The following ADRA1B variants were observed in gnomAD, a reference collection of about 807,000 sequenced individuals.
ADRA1B encodes adrenoceptor alpha 1B, also known as alpha-1B adrenergic receptor.
In ADRA1B, 17 loss-of-function variants were observed where a neutral mutation model predicts 17.9. That is an observed-to-expected ratio of 0.95 (90% CI 0.65 to 1.42). The LOEUF (loss-of-function observed/expected upper bound fraction) is 1.42, where lower values mean the gene tolerates loss of function less well. Ranked by LOEUF, ADRA1B falls within the 40% of genes most tolerant of loss-of-function variation. The pLI is 0.00. For missense variants in ADRA1B, 681 were observed against 722.1 expected (o/e 0.94, Z 0.65); for synonymous variants, 366 against 327.6 (o/e 1.12, Z -1.27).
chr5:159,907,906 C>A (rs1490830871), intron 1 of ADRA1B, among the ~76,000 whole-genome samples: 12 of 151,856 alleles, frequency 7.9e-5, no homozygotes, highest in Non-Finnish European at 1.5e-4. Context: ...CTCATGCTGT[C>A]TTTGTCTTTG....
intron 1 of ADRA1B, among the ~76,000 whole-genome samples, chr5:159,958,094 A>T (rs190953463): frequency 6.6e-6 from 1 of 152,230 alleles, no homozygotes; most frequent in Admixed American, 6.5e-5. Context: ...ATTTATTTAC[A>T]GATCCTGGAC....
chr5:159,973,249 C>T (rs1755921329), downstream of ADRA1B, among the ~76,000 whole-genome samples: 1 of 152,214 alleles, frequency 6.6e-6, no homozygotes, highest in African/African-American at 2.4e-5. Flanking sequence ...CCAGTCTGGC[C>T]CTGTGGCTGA....
chr5:159,919,981 C>G (rs1213890260), intron 1 of ADRA1B, among the ~76,000 whole-genome samples: 1 of 152,188 alleles, frequency 6.6e-6, no homozygotes, highest in Non-Finnish European at 1.5e-5. Context: ...AGGCCTCACA[C>G]CTGGAGAACG....
intron 1 of ADRA1B, among the ~76,000 whole-genome samples, chr5:159,886,507 G>C (rs191637060): frequency 1.3e-5 from 2 of 152,278 alleles, no homozygotes; most frequent in Non-Finnish European, 2.9e-5. Context: ...TCTTGATTCA[G>C]TGAGTCTCCC....
At chr5:159,882,583 G>A (rs1160007349) in intron 1 of ADRA1B, among the ~76,000 whole-genome samples, 1 of 152,194 alleles carries the variant, frequency 6.6e-6, no homozygotes, top group Non-Finnish European at 1.5e-5. Context: ...AAGGAAAACT[G>A]TCATAAGAGC....
chr5:159,954,684 A>T (rs567333666), intron 1 of ADRA1B, among the ~76,000 whole-genome samples: 1 of 152,162 alleles, frequency 6.6e-6, no homozygotes, highest in East Asian at 1.9e-4. Flanking sequence ...CCAAGGGAGG[A>T]TTTTGAACTT....
intron 1 of ADRA1B, among the ~76,000 whole-genome samples, chr5:159,885,251 A>AT (rs993678054): frequency 1.3e-5 from 2 of 152,118 alleles, no homozygotes; most frequent in Non-Finnish European, 2.9e-5. Flanking sequence ...TTTTCTGGAG[A>AT]TTTTTGTCAG....
At chr5:159,906,710 G>T (rs1754165874) in intron 1 of ADRA1B, among the ~76,000 whole-genome samples, 1 of 152,220 alleles carries the variant, frequency 6.6e-6, no homozygotes, top group South Asian at 2.1e-4. Context: ...AAGGGGAAAA[G>T]TGAGCAGTTC....
chr5:159,896,422 C>A (rs1486350685), intron 1 of ADRA1B, among the ~76,000 whole-genome samples: 2 of 152,180 alleles, frequency 1.3e-5, no homozygotes, highest in African/African-American at 4.8e-5. Flanking sequence ...CTATAATTCC[C>A]AGTTCTTGTG....
chr5:159,884,491 G>C (rs940425647), intron 1 of ADRA1B, among the ~76,000 whole-genome samples: 5 of 152,166 alleles, frequency 3.3e-5, no homozygotes, highest in African/African-American at 4.8e-5. Context: ...TCCACCATGA[G>C]ATAATACAAC....
intron 1 of ADRA1B, among the ~76,000 whole-genome samples, chr5:159,873,083 T>C (rs1753765907): frequency 1.3e-5 from 2 of 152,206 alleles, no homozygotes; most frequent in African/African-American, 4.8e-5. Context: ...GCTTCATCCA[T>C]GTCCCTGCAA....
chr5:159,901,071 T>C (rs1213286466), intron 1 of ADRA1B, among the ~76,000 whole-genome samples: 1 of 151,770 alleles, frequency 6.6e-6, no homozygotes, highest in Non-Finnish European at 1.5e-5. Context: ...TATTATGTTT[T>C]ACTATTATAC....
chr5:159,916,744 G>C lies in ADRA1B; in HGVS notation c.-162G>C, dbSNP rs1754320463. 1 of 652,492 alleles carries C rather than the reference G, an allele frequency of 1.5e-6. No homozygotes were observed. Among genetic ancestry groups the C allele is most frequent in the Non-Finnish European group, 2.7e-6 (1 of 375,610 alleles). The allele number at this position is 652,492 out of a possible 1,614,324, so 40.4% of individuals were successfully genotyped here. On this transcript the variant is annotated 5_prime_UTR_variant, in exon 1 of 2. Transcript: ENST00000306675. ...GAGCGACTCGGTGCAGGCAGGAGAC[G>C]TGCTGCCGGGCTGGGCTGCCCGGGG...
At chr5:159,948,185 T>A (rs1755329059) in intron 1 of ADRA1B, 1 of 985,320 alleles carries the variant, frequency 1.0e-6, no homozygotes, top group Non-Finnish European at 1.2e-6. Flanking sequence ...AGGCATGTTC[T>A]CTAAGTCCAG....
At chr5:159,953,269 A>C (rs1755482031) in intron 1 of ADRA1B, among the ~76,000 whole-genome samples, 1 of 152,196 alleles carries the variant, frequency 6.6e-6, no homozygotes, top group Non-Finnish European at 1.5e-5. Flanking sequence ...CTGAGGCAGG[A>C]GAATCACTTG....
chr5:159,939,320 T>A (rs62377692), intron 1 of ADRA1B, among the ~76,000 whole-genome samples: 3 of 108,182 alleles, frequency 2.8e-5, no homozygotes, highest in South Asian at 3.0e-4. Context: ...TGTGTGTGTG[T>A]GTGCGCGCGC....
At chr5:159,881,598 A>G (rs892469881) in intron 1 of ADRA1B, among the ~76,000 whole-genome samples, 1 of 152,140 alleles carries the variant, frequency 6.6e-6, no homozygotes, top group African/African-American at 2.4e-5. Context: ...AGTGGCTGTC[A>G]GGCAGTGGGG....
intron 1 of ADRA1B, among the ~76,000 whole-genome samples, chr5:159,900,221 T>C (rs1754087450): frequency 6.6e-6 from 1 of 152,232 alleles, no homozygotes; most frequent in Admixed American, 6.5e-5. Context: ...CTTAAGCATT[T>C]ATTCTACCAG....
intron 1 of ADRA1B, among the ~76,000 whole-genome samples, chr5:159,919,582 G>C (rs1754420420): frequency 6.6e-6 from 1 of 152,210 alleles, no homozygotes; most frequent in South Asian, 2.1e-4. Flanking sequence ...AGTTAGCTAT[G>C]AGCAGTACAA....
Sources: gnomAD v4.1 joint callset for allele counts (sites outside exome capture counted in the v4.1 genomes callset) on GRCh38, gnomAD v4.1.1 for gene constraint, MANE v1.5 for transcripts, NCBI Gene and HGNC (gene_info 2026-07-23, HGNC 2026-07-21) for gene names.